The following ROBO2 variants were observed in gnomAD, a reference collection of about 807,000 sequenced individuals.
The protein encoded by ROBO2 is roundabout guidance receptor 2, also known as roundabout homolog 2.
Under a neutral mutation model 160.8 loss-of-function variants are expected in ROBO2, and 53 were observed. The ratio of observed to expected loss-of-function variants is 0.33; its 90% CI spans 0.26 to 0.41. The LOEUF is 0.41. Ranked by LOEUF, ROBO2 falls within the 10% of genes least tolerant of loss-of-function variation. The probability of loss-of-function intolerance (pLI) is 1.00; values close to 1 mark genes in which losing one functional copy is unlikely to be tolerated. For synonymous variants in ROBO2, 664 were observed against 611.7 expected, an observed-to-expected ratio of 1.09 and a Z score of -1.26; for missense variants, 1,577 against 1,722.4, an observed-to-expected ratio of 0.92 and a Z score of 1.49.
At chr3:76,915,556 G>T (rs1027450520) in intron 2 of ROBO2, among the ~76,000 whole-genome samples, 1 of 151,472 alleles carries the variant, frequency 6.6e-6, no homozygotes. Context: ...TGTAACCCCA[G>T]CTACTCGGGA....
intron 2 of ROBO2, among the ~76,000 whole-genome samples, chr3:77,311,564 A>G (rs565285277): frequency 1.3e-5 from 2 of 152,360 alleles, no homozygotes; most frequent in African/African-American, 2.4e-5. Flanking sequence ...TAAGAACGAA[A>G]GGGATTCAGC....
chr3:76,005,670 CA>C (rs1443629114), intron 2 of ROBO2, among the ~76,000 whole-genome samples: 1 of 152,118 alleles, frequency 6.6e-6, no homozygotes, highest in Non-Finnish European at 1.5e-5. Context: ...ATTCAGGCTT[CA>C]GGGGCTAATA....
intron 2 of ROBO2, among the ~76,000 whole-genome samples, chr3:76,867,545 G>A (rs373898975): frequency 1.3e-5 from 2 of 152,100 alleles, no homozygotes; most frequent in African/African-American, 4.8e-5. Flanking sequence ...GACACTTTTC[G>A]TTAACACTGC....
At position 77,130,975 on chromosome 3, in the gene ROBO2, G is replaced by A. The variant is rs571081591; in HGVS notation, c.388+32635G>A. On this transcript the variant is annotated intron_variant, in intron 2 of 25. Coordinates refer to ENST00000461745, the Ensembl canonical transcript of ROBO2. ...GAAGTGAAATTTTTTTATTTCTGCTGTTTTTTCTTATTAGAGTATTAGAAT... is the reference window on the plus strand; with the variant it reads ...GAAGTGAAATTTTTTTATTTCTGCTATTTTTTCTTATTAGAGTATTAGAAT... 2.0e-5 allele frequency among the ~76,000 whole-genome samples: 3 copies of A among 152,146 alleles called. No homozygotes were observed. The South Asian group carries it at 6.2e-4, about 32-fold the overall frequency.
chr3:77,426,160 G>A (rs1245117944), intron 2 of ROBO2, among the ~76,000 whole-genome samples: 1 of 152,140 alleles, frequency 6.6e-6, no homozygotes. Flanking sequence ...GATTTGGCTA[G>A]GGTGATGGCA....
intron 2 of ROBO2, among the ~76,000 whole-genome samples, chr3:76,576,327 C>T (rs1658086736): frequency 6.6e-6 from 1 of 152,058 alleles, no homozygotes; most frequent in Non-Finnish European, 1.5e-5. Flanking sequence ...GCATGACTGA[C>T]TTTATTAAGG....
chr3:77,487,362 C>A (rs2085497042), intron 4 of ROBO2, among the ~76,000 whole-genome samples: 1 of 152,092 alleles, frequency 6.6e-6, no homozygotes, highest in Admixed American at 6.6e-5. Context: ...ATCATGTTAT[C>A]AGCAATAACA....
At chr3:76,461,242 T>G (rs899590096) in intron 2 of ROBO2, among the ~76,000 whole-genome samples, 2 of 152,094 alleles carry the variant, frequency 1.3e-5, no homozygotes, top group Non-Finnish European at 2.9e-5. Flanking sequence ...TGTCACATAC[T>G]TTTAAACAGT....
chr3:77,193,924 A>G (rs1043647834), intron 2 of ROBO2, among the ~76,000 whole-genome samples: 1 of 151,720 alleles, frequency 6.6e-6, no homozygotes, highest in African/African-American at 2.4e-5. Context: ...ACAAATAAGT[A>G]TTCATCTGTT....
intron 2 of ROBO2, among the ~76,000 whole-genome samples, chr3:76,234,541 A>C (rs911708048): frequency 2.0e-5 from 3 of 152,180 alleles, no homozygotes; most frequent in Non-Finnish European, 4.4e-5. Context: ...CCTCACCAGC[A>C]ACTGTTATTC....
chr3:76,673,365 G>A (rs1274668902), intron 2 of ROBO2, among the ~76,000 whole-genome samples: 1 of 152,100 alleles, frequency 6.6e-6, no homozygotes, highest in Admixed American at 6.6e-5. Context: ...TTTCTGGCCA[G>A]GCAGTGGTGG....
At chr3:76,700,023 A>C (rs2093014277) in intron 2 of ROBO2, among the ~76,000 whole-genome samples, 1 of 152,098 alleles carries the variant, frequency 6.6e-6, no homozygotes, top group Non-Finnish European at 1.5e-5. Context: ...TAGCAAAAAA[A>C]ACCCATGGGC....
At chr3:76,343,183 T>C (rs1328373881) in intron 2 of ROBO2, among the ~76,000 whole-genome samples, 1 of 152,134 alleles carries the variant, frequency 6.6e-6, no homozygotes, top group Non-Finnish European at 1.5e-5. Context: ...TGGTGTGGTA[T>C]ATTTATTGAA....
chr3:76,388,729 C>A (rs1190476509), intron 2 of ROBO2, among the ~76,000 whole-genome samples: 1 of 151,974 alleles, frequency 6.6e-6, no homozygotes, highest in East Asian at 1.9e-4. Context: ...ATTGATAACT[C>A]TATTTTTTAC....
intron 2 of ROBO2, among the ~76,000 whole-genome samples, chr3:77,027,877 A>G (rs779632901): frequency 6.6e-6 from 1 of 152,160 alleles, no homozygotes; most frequent in East Asian, 1.9e-4. Flanking sequence ...GTCATACAAG[A>G]CAAAAGTGAA....
At chr3:76,203,845 C>A (rs371822592) in intron 2 of ROBO2, among the ~76,000 whole-genome samples, 6 of 152,170 alleles carry the variant, frequency 3.9e-5, no homozygotes, top group Non-Finnish European at 8.8e-5. Context: ...ATCGGCTTCC[C>A]GGTCAACAGA....
Position 76,132,429 on chromosome 3 carries a change from C to T in ROBO2, c.109+194827C>T, listed in dbSNP as rs544438550. On this transcript the variant is annotated intron_variant, in intron 2 of 26. Transcript: ENST00000487694. The stretch of plus-strand genomic sequence containing the variant: ...GGGGGACGCAGATGTTCAGCATAAA[C>T]CACGTTTGTCCAAATGGCTTAGGCA... 1.3e-3 allele frequency among the ~76,000 whole-genome samples: 177 copies of T among 140,280 alleles called. 1 individual carries two copies. Among genetic ancestry groups the T allele is most frequent in the African/African-American group, 4.4e-3 (172 of 39,352 alleles). The allele number at this position is 140,280 out of a possible 152,430, so 92.0% of individuals were successfully genotyped here. A position where few individuals can be genotyped will look rare whatever the true frequency, so the allele number is the denominator to read the frequency against.
chr3:76,923,958 A>C (rs1409397101), intron 2 of ROBO2, among the ~76,000 whole-genome samples: 1 of 152,252 alleles, frequency 6.6e-6, no homozygotes, highest in Non-Finnish European at 1.5e-5. Flanking sequence ...GTAAATTGGA[A>C]TCAATAGAAT....
At chr3:76,280,174 T>G (rs994856015) in intron 2 of ROBO2, among the ~76,000 whole-genome samples, 11 of 152,004 alleles carry the variant, frequency 7.2e-5, no homozygotes, top group African/African-American at 2.2e-4. Context: ...TCTTGATATG[T>G]ATGAACATGC....
Sources: gnomAD v4.1 joint callset for allele counts (sites outside exome capture counted in the v4.1 genomes callset) on GRCh38, gnomAD v4.1.1 for gene constraint, MANE v1.5 for transcripts, NCBI Gene and HGNC (gene_info 2026-07-23, HGNC 2026-07-21) for gene names.